Variants in ARPP21 observed in about 807,000 individuals in gnomAD.
ARPP21 encodes cAMP-regulated phosphoprotein 21.
A neutral mutation model predicts 113.2 loss-of-function variants in ARPP21; 69 were observed. The ratio of observed to expected loss-of-function variants is 0.61; its 90% CI spans 0.50 to 0.74. ARPP21 has a LOEUF of 0.74. Among genes scored for constraint, ARPP21 ranks in the 30% least tolerant of loss-of-function variants. The pLI, the probability that ARPP21 is intolerant of heterozygous loss-of-function variation, is 0.00. For synonymous variants in ARPP21, 368 were observed against 375.5 expected, an observed-to-expected ratio of 0.98 and a Z score of 0.23; for missense variants, 1,070 against 1,037.4, an observed-to-expected ratio of 1.03 and a Z score of -0.43.
chr3:35,751,448 T>C (rs950717866), intron 19 of ARPP21, among the ~76,000 whole-genome samples: 6 of 152,148 alleles, frequency 3.9e-5, no homozygotes, highest in African/African-American at 1.4e-4. Context: ...GGTGATTTAA[T>C]GTACCTCTGT....
At chr3:35,767,201 G>A (rs139091310) in intron 19 of ARPP21, among the ~76,000 whole-genome samples, 2 of 152,028 alleles carry the variant, frequency 1.3e-5, no homozygotes, top group Non-Finnish European at 2.9e-5. Context: ...CAAATTTTTG[G>A]CCATAGTGAT....
intron 19 of ARPP21, among the ~76,000 whole-genome samples, chr3:35,776,628 TAAG>T (rs1232514049): frequency 1.3e-5 from 2 of 152,244 alleles, no homozygotes; most frequent in Non-Finnish European, 2.9e-5. Flanking sequence ...GTAGGAAGTG[TAAG>T]CATAGCTTTG....
At chr3:35,782,275 C>CAGT (rs2096542175) in intron 19 of ARPP21, among the ~76,000 whole-genome samples, 1 of 152,124 alleles carries the variant, frequency 6.6e-6, no homozygotes, top group Non-Finnish European at 1.5e-5. Flanking sequence ...ATTTAGTTTG[C>CAGT]AGTGGAGAGT....
intron 1 of ARPP21, among the ~76,000 whole-genome samples, chr3:35,658,679 G>T (rs1706182896): frequency 6.6e-6 from 1 of 152,112 alleles, no homozygotes; most frequent in Non-Finnish European, 1.5e-5. Context: ...AGCCATAGAA[G>T]TAAATACATG....
intron 19 of ARPP21, among the ~76,000 whole-genome samples, chr3:35,760,095 C>T (rs1247729684): frequency 6.6e-6 from 1 of 152,078 alleles, no homozygotes; most frequent in Admixed American, 6.6e-5. Flanking sequence ...ATAAATGGAT[C>T]TTAAAACCCT....
intron 17 of ARPP21, among the ~76,000 whole-genome samples, chr3:35,738,803 G>T (rs2094502289): frequency 6.6e-6 from 1 of 152,168 alleles, no homozygotes; most frequent in African/African-American, 2.4e-5. Flanking sequence ...CTAAATTTTA[G>T]ATCAGGCCAG....
At chr3:35,745,202 A>T (rs1188020329) in intron 19 of ARPP21, among the ~76,000 whole-genome samples, 1 of 152,214 alleles carries the variant, frequency 6.6e-6, no homozygotes, top group African/African-American at 2.4e-5. Flanking sequence ...ATTTATTTTT[A>T]AAAAATCACT....
At chr3:35,748,303 A>G (rs561659707) in intron 19 of ARPP21, among the ~76,000 whole-genome samples, 85 of 135,990 alleles carry the variant, frequency 6.3e-4, no homozygotes, top group Admixed American at 1.3e-3. Context: ...AGGAAGGAAG[A>G]AAGAAAGAAA....
chr3:35,686,783 A>T (rs1460799210), intron 5 of ARPP21, among the ~76,000 whole-genome samples: 2 of 151,652 alleles, frequency 1.3e-5, no homozygotes, highest in African/African-American at 4.8e-5. Flanking sequence ...TCATAGTTTT[A>T]ATCATAGCAT....
At chr3:35,745,929 A>T (rs2095017123) in intron 19 of ARPP21, among the ~76,000 whole-genome samples, 1 of 152,166 alleles carries the variant, frequency 6.6e-6, no homozygotes, top group Non-Finnish European at 1.5e-5. Flanking sequence ...AGATAATGAC[A>T]CTGTAATGAG....
At chr3:35,715,194 A>G (rs1255683400) in intron 11 of ARPP21, 1 of 411,862 alleles carries the variant, frequency 2.4e-6, no homozygotes. Context: ...TCTGACCTCC[A>G]TGCCGAACAG....
chr3:35,784,078 T>G (rs2096581621), intron 19 of ARPP21, among the ~76,000 whole-genome samples: 1 of 152,184 alleles, frequency 6.6e-6, no homozygotes. Flanking sequence ...CCTATCCAAG[T>G]GTACTGCAAG....
At position 35,721,642 on chromosome 3, in the gene ARPP21, C is replaced by T. The variant is rs545003470; in HGVS notation, c.1033C>T (p.Arg345Ter). The change falls in exon 14 of 21, where the codon CGA becomes TGA. Residue 345 changes from arginine (R) to a stop codon, truncating the protein, a stop_gained. Coordinates refer to ENST00000684406, the MANE Select transcript of ARPP21 (RefSeq NM_001385562.1). LOFTEE classifies it high-confidence loss of function. ...RDGSGRTSGS[R>*]QSSSENELKW... ...TGGCTCAGGGAGAACATCTGGGAGT[C>T]GACAGAGCAGCTCAGAAAATGAACT... 3.1e-6 allele frequency: 5 copies of T among 1,613,466 alleles called. No homozygotes were observed. The highest frequency in any genetic ancestry group is 4.2e-6 in the Non-Finnish European group (5 of 1,179,578).
In ARPP21 at chr3:35,689,287, C is replaced by A; in HGVS notation, c.407-20C>A. 8.3e-7 allele frequency: 1 copy of A among 1,206,246 alleles called. No individual in the cohort carries two copies. Among genetic ancestry groups the A allele is most frequent in the Non-Finnish European group, 1.2e-6 (1 of 808,716 alleles). The allele number at this position is 1,206,246 out of a possible 1,614,324, so 74.7% of individuals were successfully genotyped here. On this transcript the variant is annotated intron_variant, in intron 6 of 20. Transcript: ENST00000684406. ...TTTCCACCATCATTCCTGACAGCTC[C>A]GTCCTGCTATTTGTTTCAGATTGCA... is the stretch of plus-strand genomic sequence containing the variant.
chr3:35,690,012 A>C, intron 7 of ARPP21, 69 bp from the exon 8 acceptor site: 1 of 760,430 alleles, frequency 1.3e-6, no homozygotes, highest in Non-Finnish European at 2.4e-6. Context: ...CCATACATTT[A>C]ATTAATTCTT....
chr3:35,794,273 G>C lies in ARPP21; in HGVS notation c.*315G>C, dbSNP rs1420937618. On this transcript the variant is annotated 3_prime_UTR_variant, in exon 21 of 21. Transcript: ENST00000684406. ...AATTTGGATTAGTTTTGTACTTTGT[G>C]TTGAGTTTGTGATGCTAAAAGTATT... 3.2e-6 allele frequency: 1 copy of C among 314,082 alleles called. No homozygotes were observed. Among genetic ancestry groups the C allele is most frequent in the East Asian group, 5.9e-5 (1 of 17,072 alleles). 19.5% of individuals were successfully genotyped at this position (314,082 alleles called of 1,614,324 possible).
chr3:35,704,718 A>G (rs1019299465), intron 9 of ARPP21, among the ~76,000 whole-genome samples: 3 of 152,038 alleles, frequency 2.0e-5, no homozygotes, highest in African/African-American at 7.2e-5. Context: ...TCCCTGAATT[A>G]TAGTGATTTA....
intron 19 of ARPP21, among the ~76,000 whole-genome samples, chr3:35,787,592 A>T (rs939974919): frequency 6.6e-6 from 1 of 152,178 alleles, no homozygotes; most frequent in South Asian, 2.1e-4. Context: ...TTAATGAGTG[A>T]TATGAGTTGA....
intron 6 of ARPP21, 48 bp downstream of exon 6, chr3:35,687,931 T>C (rs1457009516): frequency 1.3e-6 from 2 of 1,531,590 alleles, no homozygotes; most frequent in Admixed American, 2.1e-5. Context: ...GGCACACACA[T>C]AGTCACAGAA....
Sources: gnomAD v4.1 joint callset for allele counts (sites outside exome capture counted in the v4.1 genomes callset) on GRCh38, gnomAD v4.1.1 for gene constraint, MANE v1.5 for transcripts, NCBI Gene and HGNC (gene_info 2026-07-23, HGNC 2026-07-21) for gene names.